CRYBG1: variants seen among roughly 807,000 people sequenced by gnomAD.
CRYBG1 encodes the protein beta/gamma crystallin domain-containing protein 1.
CRYBG1 carries 139 observed loss-of-function variants against 189.2 expected under a neutral mutation model. That is an observed-to-expected ratio of 0.73 (90% CI 0.64 to 0.85). The LOEUF is 0.85. Among genes scored for constraint, CRYBG1 ranks in the 40% least tolerant of loss-of-function variants. The pLI is 0.00. For missense variants in CRYBG1, 2,611 were observed against 2,675.8 expected, an observed-to-expected ratio of 0.98 and a Z score of 0.53; for synonymous variants, 1,023 against 1,017.1, an observed-to-expected ratio of 1.01 and a Z score of -0.11.
intron 2 of CRYBG1, among the ~76,000 whole-genome samples, chr6:106,459,128 T>C (rs1771949295): frequency 6.6e-6 from 1 of 152,238 alleles, no homozygotes; most frequent in South Asian, 2.1e-4. Flanking sequence ...TGTTTCCATT[T>C]GAAGGTATTA....
rs564148661 is a variant in CRYBG1, at chr6:106,386,052, C to T, written c.173+24971C>T. ...TTTAATGCAGGGTACTTGGTCTCCACGTGGCGAAGCAGTTTTGAAGGTTTC... is the reference window on the plus strand; with the variant it reads ...TTTAATGCAGGGTACTTGGTCTCCATGTGGCGAAGCAGTTTTGAAGGTTTC... On this transcript the variant is annotated intron_variant, in intron 1 of 21. Transcript: ENST00000633556. Among the ~76,000 whole-genome samples, 20 of 152,288 alleles carry T rather than the reference C, an allele frequency of 1.3e-4. No individual in the cohort carries two copies. In the South Asian group the frequency reaches 2.7e-3, roughly 21 times the overall value.
At chr6:106,559,797 T>TA (rs201366640) in intron 18 of CRYBG1, among the ~76,000 whole-genome samples, 3,748 of 147,796 alleles carry the variant, frequency 0.025, 149 homozygotes, top group African/African-American at 0.09. Flanking sequence ...AAAAAGAAAA[T>TA]AAAAAAAATC....
chr6:106,541,916 C>A (rs948033967), intron 10 of CRYBG1, among the ~76,000 whole-genome samples: 2 of 152,110 alleles, frequency 1.3e-5, no homozygotes, highest in Non-Finnish European at 2.9e-5. Flanking sequence ...GTTGTATTTA[C>A]TAATTGCAGG....
At chr6:106,490,778 C>T (rs1402185794) in intron 2 of CRYBG1, among the ~76,000 whole-genome samples, 1 of 152,182 alleles carries the variant, frequency 6.6e-6, no homozygotes, top group Non-Finnish European at 1.5e-5. Flanking sequence ...TGACCCCTGG[C>T]AAATTTGGCT....
At chr6:106,517,463 TACACACACAC>T in intron 3 of CRYBG1, among the ~76,000 whole-genome samples, 1 of 105,468 alleles carries the variant, frequency 9.5e-6, no homozygotes, top group South Asian at 3.3e-4. Flanking sequence ...CATATATATA[TACACACACAC>T]ATATATATAT....
intron 16 of CRYBG1, 123 bp from the exon 17 acceptor site, chr6:106,555,645 G>T: frequency 8.4e-7 from 1 of 1,183,862 alleles, no homozygotes; most frequent in Non-Finnish European, 1.2e-6. Flanking sequence ...TTTGAAGAAA[G>T]AACTCTGTTT....
chr6:106,439,490 C>T (rs1321734555), intron 1 of CRYBG1, among the ~76,000 whole-genome samples: 1 of 152,090 alleles, frequency 6.6e-6, no homozygotes, highest in Non-Finnish European at 1.5e-5. Context: ...CCAATTTTCA[C>T]AAAGTGAAAG....
intron 1 of CRYBG1, among the ~76,000 whole-genome samples, chr6:106,384,180 A>G (rs1230423145): frequency 6.6e-6 from 1 of 152,096 alleles, no homozygotes; most frequent in African/African-American, 2.4e-5. Flanking sequence ...CTGTGACCCA[A>G]AACAAGGCTA....
intron 2 of CRYBG1, among the ~76,000 whole-genome samples, chr6:106,475,389 A>G (rs1156449010): frequency 6.6e-6 from 1 of 152,264 alleles, no homozygotes; most frequent in Non-Finnish European, 1.5e-5. Flanking sequence ...GTTACCAGTG[A>G]TAAATGCTTT....
chr6:106,452,163 T>C (rs1242815567), intron 2 of CRYBG1, among the ~76,000 whole-genome samples: 2 of 148,748 alleles, frequency 1.3e-5, no homozygotes, highest in Non-Finnish European at 3.0e-5. Context: ...TCCCAGCATT[T>C]TTGGAGGCAG....
chr6:106,565,107 C>T (rs2114603145), intron 21 of CRYBG1, among the ~76,000 whole-genome samples: 1 of 152,214 alleles, frequency 6.6e-6, no homozygotes, highest in South Asian at 2.1e-4. Context: ...ATCACGAGGT[C>T]AGGAGATCGA....
rs542691421 is a variant in CRYBG1, at chr6:106,403,982, C to G, written c.173+42901C>G. Among the ~76,000 whole-genome samples, 135 of 152,316 alleles carry G rather than the reference C, an allele frequency of 8.9e-4. 1 individual carries two copies. The highest frequency in any genetic ancestry group is 2.7e-3 in the African/African-American group (114 of 41,564). On this transcript the variant is annotated intron_variant, in intron 1 of 21. Coordinates refer to ENST00000633556, the MANE Select transcript of CRYBG1 (RefSeq NM_001371242.2). ...GGATGTTAGGCATTCTAGAATTCAG[C>G]TGAAAAGTATCAAAGTTAAGTAAAC...
At chr6:106,541,481 A>T in intron 9 of CRYBG1, 105 bp from the exon 10 acceptor site, 1 of 1,100,348 alleles carries the variant, frequency 9.1e-7, no homozygotes, top group South Asian at 1.3e-5. Context: ...AAACCAGAAC[A>T]TAGTCACACT....
At position 106,529,345 on chromosome 6, in the gene CRYBG1, G is replaced by A. The variant is rs542440242; in HGVS notation, c.4579-831G>A. Among the ~76,000 whole-genome samples the A allele has an allele frequency of 8.5e-5, 13 of 152,300 alleles. No homozygotes were observed. In the South Asian group the frequency reaches 2.7e-3, roughly 32 times the overall value. On this transcript the variant is annotated intron_variant, in intron 7 of 21. Coordinates refer to ENST00000633556, the MANE Select transcript of CRYBG1 (RefSeq NM_001371242.2). ...ATGTCATGGCTCCCAGTGTGTCATGGATTATATTTTCTTCACAGATCGTGT... is the reference window on the plus strand; with the variant it reads ...ATGTCATGGCTCCCAGTGTGTCATGAATTATATTTTCTTCACAGATCGTGT...
At chr6:106,482,709 A>T (rs1772495783) in intron 2 of CRYBG1, among the ~76,000 whole-genome samples, 1 of 152,182 alleles carries the variant, frequency 6.6e-6, no homozygotes, top group Non-Finnish European at 1.5e-5. Context: ...GGGGAGACAG[A>T]GGTTGCAGTG....
At chr6:106,444,583 G>A (rs1582766129) in intron 1 of CRYBG1, among the ~76,000 whole-genome samples, 2 of 152,210 alleles carry the variant, frequency 1.3e-5, no homozygotes, top group African/African-American at 4.8e-5. Flanking sequence ...CCTGGTTCTG[G>A]GCGAGTTTCA....
chr6:106,390,600 C>T (rs79824867), intron 1 of CRYBG1, among the ~76,000 whole-genome samples: 8 of 151,946 alleles, frequency 5.3e-5, no homozygotes, highest in Non-Finnish European at 8.8e-5. Flanking sequence ...CCCTACGCCC[C>T]GTCATGAAAA....
rs573615169 is a variant in CRYBG1, at chr6:106,483,012, C to A, written c.313-28418C>A. ...GTGAGAACATTCAAAAGCCTCTCTTCTAGCTATTTTGTAATATACAGTACC... is the reference window on the plus strand; with the variant it reads ...GTGAGAACATTCAAAAGCCTCTCTTATAGCTATTTTGTAATATACAGTACC... On this transcript the variant is annotated intron_variant, in intron 2 of 21. Coordinates refer to ENST00000633556, the MANE Select transcript of CRYBG1 (RefSeq NM_001371242.2). 8.5e-5 allele frequency among the ~76,000 whole-genome samples: 13 copies of A among 152,224 alleles called. No individual in the cohort carries two copies. In the East Asian group the frequency reaches 2.5e-3, roughly 29 times the overall value.
At chr6:106,513,393 A>C (rs1214600904) in intron 3 of CRYBG1, among the ~76,000 whole-genome samples, 1 of 152,194 alleles carries the variant, frequency 6.6e-6, no homozygotes, top group African/African-American at 2.4e-5. Flanking sequence ...CCAAGGTGGG[A>C]TGTTCTTAAA....
Sources: allele counts gnomAD v4.1 joint callset (sites outside exome capture counted in the v4.1 genomes callset), GRCh38; gene constraint gnomAD v4.1.1; transcripts MANE v1.5; gene names NCBI Gene and HGNC (gene_info 2026-07-23, HGNC 2026-07-21).